PAH: variants seen among roughly 807,000 people sequenced by gnomAD.
PAH encodes phenylalanine hydroxylase.
Under a neutral mutation model 62.0 loss-of-function variants are expected in PAH, and 64 were observed. The ratio of observed to expected loss-of-function variants is 1.03; its 90% CI spans 0.84 to 1.27. The LOEUF (loss-of-function observed/expected upper bound fraction) is 1.27. PAH is among the 50% of genes most tolerant of loss of function. PAH has a pLI of 0.00. For missense variants in PAH, 579 were observed against 542.8 expected, an observed-to-expected ratio of 1.07 and a Z score of -0.66; for synonymous variants, 195 against 196.2, an observed-to-expected ratio of 0.99 and a Z score of 0.05.
upstream of PAH, among the ~76,000 whole-genome samples, chr12:102,918,374 G>C (rs1454088750): frequency 6.6e-6 from 1 of 152,068 alleles, no homozygotes; most frequent in Non-Finnish European, 1.5e-5. Flanking sequence ...TGGGCTGTAA[G>C]AAAATAAGCC....
chr12:102,894,709 T>A (rs745412733), intron 3 of PAH, 26 bp downstream of exon 3: 3 of 1,585,290 alleles, frequency 1.9e-6, no homozygotes, highest in African/African-American at 2.7e-5. Context: ...GAGTTACTTA[T>A]GTTGCAAAAT....
intron 1 of PAH, among the ~76,000 whole-genome samples, chr12:102,948,953 T>C (rs1879617841): frequency 6.6e-6 from 1 of 152,182 alleles, no homozygotes; most frequent in Admixed American, 6.5e-5. Flanking sequence ...GAAGAATTAA[T>C]GGAATAGAAT....
chr12:102,917,208 G>A lies in PAH; in HGVS notation c.-78C>T, dbSNP rs1432160902. 3 of 1,298,486 alleles carry A rather than the reference G, an allele frequency of 2.3e-6. No homozygotes were observed. The highest frequency in any genetic ancestry group is 2.2e-6 in the Non-Finnish European group (2 of 895,218). The allele number at this position is 1,298,486 out of a possible 1,614,324, so 80.4% of individuals were successfully genotyped here. A position where few individuals can be genotyped will look rare whatever the true frequency, so the allele number is the denominator to read the frequency against. On this transcript the variant is annotated 5_prime_UTR_variant, in exon 1 of 13. Transcript: ENST00000553106. ...AGGTTTGCAAACAGCACGTGGGGCT[G>A]AAGGTTTTAACCTCGCACTAGGGAG...
At chr12:102,895,269 A>G (rs931932031) in intron 2 of PAH, among the ~76,000 whole-genome samples, 19 of 152,214 alleles carry the variant, frequency 1.2e-4, no homozygotes, top group Admixed American at 1.0e-3. Flanking sequence ...CCACTTTCCA[A>G]ACGAAATTCT....
chr12:102,945,437 G>C (rs1879458461), intron 1 of PAH, among the ~76,000 whole-genome samples: 2 of 152,200 alleles, frequency 1.3e-5, no homozygotes, highest in Admixed American at 1.3e-4. Context: ...CCAGGTGCCA[G>C]AGCCTGGAGT....
chr12:102,854,136 C>A (rs1396591690), intron 6 of PAH, among the ~76,000 whole-genome samples: 1 of 152,112 alleles, frequency 6.6e-6, no homozygotes, highest in East Asian at 1.9e-4. Flanking sequence ...CTGCTTGGAC[C>A]CTTACTCCCT....
upstream of PAH, among the ~76,000 whole-genome samples, chr12:102,918,254 CA>C (rs1878460628): frequency 6.6e-6 from 1 of 152,046 alleles, no homozygotes; most frequent in Non-Finnish European, 1.5e-5. Context: ...GGAGGTAAAA[CA>C]AAGTATAAAA....
At chr12:102,935,953 A>T in intron 1 of PAH, among the ~76,000 whole-genome samples, 1 of 149,726 alleles carries the variant, frequency 6.7e-6, no homozygotes, top group African/African-American at 2.5e-5. Context: ...TTGTTTTTCT[A>T]GTTCCTTAAG....
upstream of PAH, among the ~76,000 whole-genome samples, chr12:102,920,804 T>C (rs1422152419): frequency 6.6e-6 from 1 of 152,232 alleles, no homozygotes; most frequent in East Asian, 1.9e-4. Context: ...GTTTCTTTTT[T>C]CTTTCAACTG....
intron 1 of PAH, among the ~76,000 whole-genome samples, chr12:102,947,387 T>C (rs1879543013): frequency 6.6e-6 from 1 of 152,172 alleles, no homozygotes; most frequent in Non-Finnish European, 1.5e-5. Context: ...TCAAATATGT[T>C]GCCCTTGATA....
intron 9 of PAH, among the ~76,000 whole-genome samples, chr12:102,846,502 C>T (rs1051806304): frequency 1.3e-5 from 2 of 152,136 alleles, no homozygotes; most frequent in Non-Finnish European, 2.9e-5. Flanking sequence ...CCCATTTCTC[C>T]CTCATGTCTG....
chr12:102,847,369 C>T (rs1176864526), intron 8 of PAH: 6 of 257,036 alleles, frequency 2.3e-5, no homozygotes, highest in African/African-American at 8.8e-5. Context: ...GTGGTGACAT[C>T]GGTCCAGGCA....
intron 1 of PAH, among the ~76,000 whole-genome samples, chr12:102,927,864 G>A (rs1213828366): frequency 6.6e-6 from 1 of 152,076 alleles, no homozygotes; most frequent in East Asian, 1.9e-4. Context: ...TTAGATTGTG[G>A]AATCAGGAGT....
At chr12:102,944,568 C>A (rs1401519727) in intron 1 of PAH, among the ~76,000 whole-genome samples, 1 of 152,178 alleles carries the variant, frequency 6.6e-6, no homozygotes, top group African/African-American at 2.4e-5. Flanking sequence ...GTCTATTGCA[C>A]TTTTCAGCTT....
At chr12:102,889,600 C>T (rs1360269820) in intron 3 of PAH, among the ~76,000 whole-genome samples, 1 of 152,128 alleles carries the variant, frequency 6.6e-6, no homozygotes, top group African/African-American at 2.4e-5. Context: ...CTGCTTTCCA[C>T]AGAACCAGTA....
At chr12:102,947,187 ATGTG>A (rs142593696) in intron 1 of PAH, among the ~76,000 whole-genome samples, 1 of 151,596 alleles carries the variant, frequency 6.6e-6, no homozygotes, top group Non-Finnish European at 1.5e-5. Context: ...GTGTGTGTAT[ATGTG>A]TGTGTGTGTC....
intron 3 of PAH, among the ~76,000 whole-genome samples, chr12:102,893,638 A>T (rs1044252335): frequency 3.9e-5 from 6 of 152,192 alleles, no homozygotes; most frequent in African/African-American, 1.4e-4. Flanking sequence ...CCTATGAAAA[A>T]TTGAGGTCAG....
intron 1 of PAH, among the ~76,000 whole-genome samples, chr12:102,927,612 G>A (rs1007910952): frequency 1.3e-5 from 2 of 151,878 alleles, no homozygotes; most frequent in Non-Finnish European, 2.9e-5. Flanking sequence ...CTTCAGCTCA[G>A]GGAAAATAAT....
At chr12:102,933,798 A>G (rs1364229586) in intron 1 of PAH, among the ~76,000 whole-genome samples, 1 of 151,996 alleles carries the variant, frequency 6.6e-6, no homozygotes, top group Non-Finnish European at 1.5e-5. Flanking sequence ...GGATTATTAG[A>G]ATTTTTCCCA....
Sources: gnomAD v4.1 joint callset for allele counts (sites outside exome capture counted in the v4.1 genomes callset) on GRCh38, gnomAD v4.1.1 for gene constraint, MANE v1.5 for transcripts, NCBI Gene and HGNC (gene_info 2026-07-23, HGNC 2026-07-21) for gene names.